AP3D1: variants seen among roughly 807,000 people sequenced by gnomAD.
AP3D1 encodes the protein AP-3 complex subunit delta-1.
AP3D1 carries 51 observed loss-of-function variants against 147.6 expected under a neutral mutation model. That is an observed-to-expected ratio of 0.35 (90% CI 0.28 to 0.44). The LOEUF (loss-of-function observed/expected upper bound fraction) is 0.44. Among genes scored for constraint, AP3D1 ranks in the 20% least tolerant of loss-of-function variants. The pLI, the probability that AP3D1 is intolerant of heterozygous loss-of-function variation, is 1.00. For missense variants in AP3D1, 1,421 were observed against 1,624.2 expected (o/e 0.87, Z 2.15); for synonymous variants, 760 against 663.0 (o/e 1.15, Z -2.25).
chr19:2,121,777 T>C lies in AP3D1; in HGVS notation c.1058A>G (p.Asp353Gly). 1 of 1,612,602 alleles carries C rather than the reference T, an allele frequency of 6.2e-7. No homozygotes were observed. Among genetic ancestry groups the C allele is most frequent in the Non-Finnish European group, 8.5e-7 (1 of 1,179,450 alleles). Residue 353 changes from aspartate to glycine, a missense_variant, in exon 12 of 32, where the codon GAC becomes GGC. Coordinates refer to ENST00000643116, the MANE Select transcript of AP3D1 (RefSeq NM_001261826.3). The stretch of plus-strand genomic sequence containing the variant: ...CAGGGCCCGCAGCCGGATGGACTCG[T>C]CCTTGTCGTCCAGGCACTGCAGGAT... The part of the protein sequence containing the change: ...DLILQCLDDK[D>G]ESIRLRALDL...
intron 31 of AP3D1, 45 bp downstream of exon 31, chr19:2,108,642 G>C: frequency 6.5e-7 from 1 of 1,536,162 alleles, no homozygotes; most frequent in African/African-American, 1.4e-5. Context: ...ATGACCCCAG[G>C]AGAGGTGGCA....
intron 8 of AP3D1, among the ~76,000 whole-genome samples, chr19:2,128,245 C>A (rs1599470748): frequency 6.6e-6 from 1 of 152,290 alleles, no homozygotes; most frequent in Non-Finnish European, 1.5e-5. Context: ...AACATAGGAT[C>A]CCATTCCACA....
At chr19:2,156,975 T>C (rs2019650315) in intron 1 of AP3D1, among the ~76,000 whole-genome samples, 1 of 121,302 alleles carries the variant, frequency 8.2e-6, no homozygotes, top group Admixed American at 1.0e-4. Flanking sequence ...TATCCATCCA[T>C]CTACCCATCC....
chr19:2,152,438 G>T (rs2019560444), upstream of AP3D1, among the ~76,000 whole-genome samples: 1 of 152,106 alleles, frequency 6.6e-6, no homozygotes, highest in African/African-American at 2.4e-5. Context: ...AGCTATTCGG[G>T]AGGGTGAGTC....
chr19:2,134,225 G>A (rs1179353107), intron 4 of AP3D1, among the ~76,000 whole-genome samples: 1 of 151,954 alleles, frequency 6.6e-6, no homozygotes, highest in Admixed American at 6.6e-5. Flanking sequence ...ACCAGCCTAG[G>A]CAACGCAGTG....
chr19:2,121,127 G>A (rs753166722), intron 13 of AP3D1, 35 bp from the exon 14 acceptor site: 76 of 1,613,646 alleles, frequency 4.7e-5, no homozygotes, highest in East Asian at 2.2e-4. Context: ...GCGGCGCCAC[G>A]GAACCCCCGG....
rs1026005142 is a variant in AP3D1 at position 2,118,462 on chromosome 19, C to G, written c.1713+139G>C. On this transcript the variant is annotated intron_variant, in intron 15 of 31. Transcript: ENST00000643116. ...CCCACTGACTAACCCCAAACCCCAG[C>G]TGGCACAAGTGGCAACAAAAGAATC... 8 of 848,020 alleles carry G rather than the reference C, an allele frequency of 9.4e-6. No individual in the cohort carries two copies. The Admixed American group carries it at 1.9e-4, about 20-fold the overall frequency. The allele number at this position is 848,020 out of a possible 1,614,324, so 52.5% of individuals were successfully genotyped here.
chr19:2,115,720 G>T, intron 18 of AP3D1, 107 bp from the exon 19 acceptor site: 1 of 1,220,724 alleles, frequency 8.2e-7, no homozygotes, highest in Non-Finnish European at 1.1e-6. Flanking sequence ...ATCCTAAGGA[G>T]CTGGGGTCCT....
intron 1 of AP3D1, among the ~76,000 whole-genome samples, chr19:2,144,845 G>C (rs1331146717): frequency 6.6e-6 from 1 of 152,172 alleles, no homozygotes; most frequent in East Asian, 1.9e-4. Flanking sequence ...AGAGGCTGCA[G>C]TGAGCCAAGA....
chr19:2,138,800 G>A lies in AP3D1; in HGVS notation c.97-86C>T, dbSNP rs955464986. The A allele has an allele frequency of 1.6e-4, 156 of 956,446 alleles. No individual in the cohort carries two copies. The African/African-American group carries it at 2.3e-3, about 14-fold the overall frequency. The allele number at this position is 956,446 out of a possible 1,614,324, so 59.2% of individuals were successfully genotyped here. On this transcript the variant is annotated intron_variant, in intron 1 of 31. Transcript: ENST00000643116. ...TTTCGGGCCAGGCACAGTGGCTCAC[G>A]CCTGTAATCCCAGCACTTTGGGAGG...
chr19:2,113,051 ACCCTCAGCTTG>A, intron 23 of AP3D1, 84 bp from the exon 24 acceptor site: 1 of 994,388 alleles, frequency 1.0e-6, no homozygotes, highest in African/African-American at 1.6e-5. Flanking sequence ...CATGCCACAC[ACCCTCAGCTTG>A]CCCTCACGCC....
rs1447052765 is a variant in AP3D1 at position 2,111,743 on chromosome 19, G to A, written c.2873C>T (p.Pro958Leu). ...KGKKKSKKQPPGSEEAAGEPV... is the reference protein window; with the variant it reads ...KGKKKSKKQPLGSEEAAGEPV... Reference sequence around the variant, plus strand: ...CTCCCCCGCTGCCTCCTCGCTGCCTGGAGGCTGCTTCTTGGACTTCTTCTT... The same window carrying A: ...CTCCCCCGCTGCCTCCTCGCTGCCTAGAGGCTGCTTCTTGGACTTCTTCTT... Residue 958 changes from proline (P) to leucine (L), a missense_variant, in exon 25 of 32, where the codon CCA (proline) becomes CTA (leucine). Pro to Leu is a moderately conservative substitution (Grantham distance 98). Transcript: ENST00000643116. 4.3e-6 allele frequency: 7 copies of A among 1,609,290 alleles called. No homozygotes were observed. In the South Asian group the frequency reaches 7.7e-5, roughly 18 times the overall value.
chr19:2,111,252 C>G, intron 26 of AP3D1, 33 bp downstream of exon 26: 8 of 1,612,926 alleles, frequency 5.0e-6, no homozygotes, highest in Non-Finnish European at 5.9e-6. Flanking sequence ...TGTGGGCTGG[C>G]CCACCCTGCC....
intron 1 of AP3D1, among the ~76,000 whole-genome samples, chr19:2,150,819 G>C (rs2019486799): frequency 6.6e-6 from 1 of 152,152 alleles, no homozygotes; most frequent in Non-Finnish European, 1.5e-5. Context: ...AACACACTCA[G>C]GTTGAAGAAG....
At chr19:2,119,283 G>C (rs1193336164) in intron 14 of AP3D1, among the ~76,000 whole-genome samples, 2 of 152,242 alleles carry the variant, frequency 1.3e-5, no homozygotes, top group African/African-American at 4.8e-5. Context: ...AAGTGGCCGG[G>C]TGTGGTGGCT....
chr19:2,163,660 C>T (rs578036888), intron 1 of AP3D1, among the ~76,000 whole-genome samples: 296 of 152,224 alleles, frequency 1.9e-3, no homozygotes, highest in Middle Eastern at 6.8e-3. Context: ...GGACGGGATT[C>T]GAACCCGCTA....
chr19:2,113,301 C>G (rs1475647121), intron 23 of AP3D1, 35 bp downstream of exon 23: 9 of 1,168,294 alleles, frequency 7.7e-6, no homozygotes, highest in Non-Finnish European at 1.1e-5. Flanking sequence ...TCTGCAGACA[C>G]CGAGGCTGGC....
At chr19:2,154,284 T>C (rs1424052590), upstream of AP3D1, among the ~76,000 whole-genome samples, 1 of 79,724 alleles carries the variant, frequency 1.3e-5, no homozygotes, top group Non-Finnish European at 4.2e-5. Flanking sequence ...GGTTTTTTTT[T>C]TCTTTTTTTT....
intron 31 of AP3D1, among the ~76,000 whole-genome samples, chr19:2,107,459 G>C (rs2144999988): frequency 6.6e-6 from 1 of 152,068 alleles, no homozygotes; most frequent in African/African-American, 2.4e-5. Context: ...GTGCAATAAA[G>C]GCCGGGCGCG....
Sources: gnomAD v4.1 joint callset for allele counts (sites outside exome capture counted in the v4.1 genomes callset) on GRCh38, gnomAD v4.1.1 for gene constraint, MANE v1.5 for transcripts, NCBI Gene and HGNC (gene_info 2026-07-23, HGNC 2026-07-21) for gene names.